The following CRY1 variants were observed in gnomAD, a reference collection of about 807,000 sequenced individuals.
CRY1 encodes the protein cryptochrome circadian regulator 1, also known as cryptochrome-1.
In CRY1, 45 loss-of-function variants were observed where a neutral mutation model predicts 76.0. That is an observed-to-expected ratio of 0.59 (90% confidence interval 0.47 to 0.76). CRY1 has a LOEUF of 0.76. CRY1 is among the 30% of genes least tolerant of loss of function. The probability of loss-of-function intolerance (pLI) is 0.00; values close to 1 mark genes in which losing one functional copy is unlikely to be tolerated. For synonymous variants in CRY1, 248 were observed against 244.0 expected, an observed-to-expected ratio of 1.02 and a Z score of -0.15; for missense variants, 587 against 716.4, an observed-to-expected ratio of 0.82 and a Z score of 2.06.
At chr12:107,083,930 T>C (rs1362476255) in intron 1 of CRY1, among the ~76,000 whole-genome samples, 1 of 152,170 alleles carries the variant, frequency 6.6e-6, no homozygotes, top group African/African-American at 2.4e-5. Flanking sequence ...ATTGTATATT[T>C]AGAAAATTCC....
intron 2 of CRY1, among the ~76,000 whole-genome samples, chr12:107,021,317 T>C (rs1952555337): frequency 6.6e-6 from 1 of 152,144 alleles, no homozygotes; most frequent in Non-Finnish European, 1.5e-5. Flanking sequence ...ACAAATTCTG[T>C]ATTATTGGTA....
At chr12:106,998,414 A>T (rs764152727) in intron 7 of CRY1, among the ~76,000 whole-genome samples, 5 of 152,224 alleles carry the variant, frequency 3.3e-5, no homozygotes, top group Non-Finnish European at 7.3e-5. Flanking sequence ...ACCACTTTCA[A>T]GAAAGCAAAA....
At chr12:107,012,911 G>T (rs79142441) in intron 2 of CRY1, among the ~76,000 whole-genome samples, 2 of 152,318 alleles carry the variant, frequency 1.3e-5, no homozygotes, top group African/African-American at 2.4e-5. Context: ...GCAGCCTGAG[G>T]ATGTGACTGA....
At chr12:107,036,025 C>A (rs1952729081) in intron 1 of CRY1, among the ~76,000 whole-genome samples, 1 of 152,190 alleles carries the variant, frequency 6.6e-6, no homozygotes, top group Admixed American at 6.5e-5. Flanking sequence ...AGCTAGTTAT[C>A]TTCTAATGGT....
rs776151812 is a variant in CRY1, at chr12:106,999,687, C to T, written c.1001G>A (p.Arg334Gln). Reference sequence around the variant, plus strand: ...GGCATCAATCCATGGAAAGCCTGTCCGGCCTTCCGCCCATTTGGCTAAAGC... The same window carrying T: ...GGCATCAATCCATGGAAAGCCTGTCTGGCCTTCCGCCCATTTGGCTAAAGC... Reference protein sequence around the residue: ...PEALAKWAEGRTGFPWIDAIM... With the variant: ...PEALAKWAEGQTGFPWIDAIM... The change falls in exon 7 of 13, where the codon CGG (arginine) becomes CAG (glutamine). Residue 334 changes from arginine to glutamine, a missense_variant. Coordinates refer to ENST00000008527, the MANE Select transcript of CRY1 (RefSeq NM_004075.5). 1.7e-5 allele frequency: 27 copies of T among 1,614,122 alleles called. No homozygotes were observed. Among genetic ancestry groups the T allele is most frequent in the South Asian group, 1.3e-4 (12 of 91,086 alleles).
intron 1 of CRY1, among the ~76,000 whole-genome samples, chr12:107,023,382 G>A (rs1208631551): frequency 6.6e-6 from 1 of 152,164 alleles, no homozygotes; most frequent in African/African-American, 2.4e-5. Flanking sequence ...GTCCTCAACA[G>A]CCACATGTAT....
At chr12:106,992,650 T>C in intron 12 of CRY1, 137 bp downstream of exon 12, 1 of 762,264 alleles carries the variant, frequency 1.3e-6, no homozygotes, top group South Asian at 1.9e-5. Flanking sequence ...TAACTGAGTT[T>C]GTAAAAATTG....
chr12:107,027,977 T>C (rs1453620808), intron 1 of CRY1, among the ~76,000 whole-genome samples: 1 of 152,190 alleles, frequency 6.6e-6, no homozygotes, highest in Non-Finnish European at 1.5e-5. Flanking sequence ...GTTTGTAAAA[T>C]ATATCTTACA....
At chr12:107,080,666 GAAA>G (rs530612452) in intron 1 of CRY1, among the ~76,000 whole-genome samples, 1 of 151,466 alleles carries the variant, frequency 6.6e-6, no homozygotes, top group African/African-American at 2.4e-5. Flanking sequence ...AAATAAAAAA[GAAA>G]AAAAGAAAAA....
At chr12:107,061,931 G>A (rs1440691543) in intron 1 of CRY1, among the ~76,000 whole-genome samples, 1 of 148,760 alleles carries the variant, frequency 6.7e-6, no homozygotes, top group Non-Finnish European at 1.5e-5. Context: ...GCTGAGGCAC[G>A]AGAACTCCTT....
chr12:107,068,477 T>C (rs1052011212), intron 1 of CRY1, among the ~76,000 whole-genome samples: 3 of 152,068 alleles, frequency 2.0e-5, no homozygotes, highest in Admixed American at 6.6e-5. Flanking sequence ...TGTATTTTTT[T>C]TGGAGAGACA....
intron 1 of CRY1, among the ~76,000 whole-genome samples, chr12:107,047,938 TA>T (rs951175298): frequency 9.2e-5 from 14 of 151,900 alleles, no homozygotes; most frequent in East Asian, 1.9e-4. Context: ...AAATTGAGAC[TA>T]AAAAAAATTA....
At chr12:107,023,630 T>C (rs1487916998) in intron 1 of CRY1, among the ~76,000 whole-genome samples, 1 of 152,210 alleles carries the variant, frequency 6.6e-6, no homozygotes, top group Non-Finnish European at 1.5e-5. Context: ...AGGAGCACCA[T>C]CTGTACAGCT....
At chr12:107,016,860 G>A (rs1350405507) in intron 2 of CRY1, among the ~76,000 whole-genome samples, 2 of 152,098 alleles carry the variant, frequency 1.3e-5, no homozygotes, top group South Asian at 2.1e-4. Context: ...TAAAAACCTA[G>A]AGTCATCCTT....
chr12:107,021,362 G>T (rs770131036), intron 2 of CRY1, among the ~76,000 whole-genome samples: 1 of 152,124 alleles, frequency 6.6e-6, no homozygotes, highest in Non-Finnish European at 1.5e-5. Flanking sequence ...GACCCAGAAA[G>T]TCTTCTAAGA....
intron 1 of CRY1, among the ~76,000 whole-genome samples, chr12:107,068,219 A>G (rs961156632): frequency 2.6e-5 from 4 of 152,334 alleles, no homozygotes; most frequent in East Asian, 1.9e-4. Flanking sequence ...TTACATTAAA[A>G]GTTTGCCAAT....
Position 106,997,616 on chromosome 12 carries a change from T to C in CRY1, c.1364A>G (p.Gln455Arg), listed in dbSNP as rs752685440. The C allele has an allele frequency of 2.5e-6, 4 of 1,614,150 alleles. No homozygotes were observed. The South Asian group carries it at 3.3e-5, about 13-fold the overall frequency. ...YDPWNAPEGI[Q>R]KVAKCLIGVN... ...TCCTATCAAACATTTGGCTACCTTTTGGATACCTTCTGGTGCATTCCAGGG... is the reference window on the plus strand; with the variant it reads ...TCCTATCAAACATTTGGCTACCTTTCGGATACCTTCTGGTGCATTCCAGGG... Residue 455 changes from glutamine (Q) to arginine (R), a missense_variant, in exon 9 of 13, where the codon CAA becomes CGA. Coordinates refer to ENST00000008527, the MANE Select transcript of CRY1 (RefSeq NM_004075.5).
At chr12:107,073,225 T>C (rs953334123) in intron 1 of CRY1, among the ~76,000 whole-genome samples, 3 of 151,844 alleles carry the variant, frequency 2.0e-5, no homozygotes, top group Non-Finnish European at 4.4e-5. Flanking sequence ...ATATATTTTT[T>C]TATTTCTCTC....
intron 2 of CRY1, among the ~76,000 whole-genome samples, chr12:107,007,482 G>A (rs1227682297): frequency 3.3e-5 from 5 of 151,542 alleles, no homozygotes; most frequent in Admixed American, 2.0e-4. Flanking sequence ...TTAGGACAGA[G>A]CACAATGCAT....
Sources: gnomAD v4.1 joint callset for allele counts (sites outside exome capture counted in the v4.1 genomes callset) on GRCh38, gnomAD v4.1.1 for gene constraint, MANE v1.5 for transcripts, NCBI Gene and HGNC (gene_info 2026-07-23, HGNC 2026-07-21) for gene names.